PRKCH: variants seen among roughly 807,000 people sequenced by gnomAD.
PRKCH encodes the protein protein kinase C eta.
Under a neutral mutation model 82.5 loss-of-function variants are expected in PRKCH, and 28 were observed. That is an observed-to-expected ratio of 0.34 (90% CI 0.25 to 0.47). PRKCH has a LOEUF of 0.47. Ranked by LOEUF, PRKCH falls within the 20% of genes least tolerant of loss-of-function variation. PRKCH has a pLI of 1.00. For missense variants in PRKCH, 705 were observed against 881.8 expected (o/e 0.80, Z 2.54); for synonymous variants, 322 against 327.4 (o/e 0.98, Z 0.18).
intron 9 of PRKCH, among the ~76,000 whole-genome samples, chr14:61,470,267 A>G (rs1372098164): frequency 6.6e-6 from 1 of 151,812 alleles, no homozygotes; most frequent in African/African-American, 2.4e-5. Flanking sequence ...GGGAGGTTTA[A>G]AGCAAGAGGC....
intron 1 of PRKCH, among the ~76,000 whole-genome samples, chr14:61,206,975 G>A (rs1028655923): frequency 1.2e-4 from 18 of 151,660 alleles, no homozygotes; most frequent in Non-Finnish European, 2.4e-4. Context: ...ACGTGGTGGT[G>A]CATGCCTTTA....
At chr14:61,481,725 A>G (rs1018826474) in intron 9 of PRKCH, among the ~76,000 whole-genome samples, 13 of 152,184 alleles carry the variant, frequency 8.5e-5, no homozygotes, top group African/African-American at 4.8e-5. Context: ...GTCACTCTAT[A>G]GCCATCTTTT....
At chr14:61,205,171 G>A (rs938945212) in intron 1 of PRKCH, among the ~76,000 whole-genome samples, 6 of 152,208 alleles carry the variant, frequency 3.9e-5, no homozygotes, top group Admixed American at 1.3e-4. Context: ...AAAGCAACTC[G>A]TCCGTGAGCC....
At chr14:61,515,508 T>C (rs17098663) in intron 10 of PRKCH, among the ~76,000 whole-genome samples, 5,243 of 152,246 alleles carry the variant, frequency 0.034, 264 homozygotes, top group East Asian at 0.11. Context: ...TAAACAGAGA[T>C]CTTAATTCCT....
chr14:61,491,000 T>C (rs772413419), intron 10 of PRKCH, among the ~76,000 whole-genome samples: 3 of 152,144 alleles, frequency 2.0e-5, no homozygotes, highest in Non-Finnish European at 4.4e-5. Flanking sequence ...GCACTCTCTC[T>C]CTCTCCCTGC....
chr14:61,261,183 T>A (rs1158349516), intron 1 of PRKCH, among the ~76,000 whole-genome samples: 1 of 152,112 alleles, frequency 6.6e-6, no homozygotes, highest in Non-Finnish European at 1.5e-5. Flanking sequence ...ACTGTTGCCG[T>A]CACCAACGCA....
intron 1 of PRKCH, among the ~76,000 whole-genome samples, chr14:61,382,047 A>C (rs2046519132): frequency 6.6e-6 from 1 of 151,996 alleles, no homozygotes; most frequent in Non-Finnish European, 1.5e-5. Context: ...GTAGTACTTC[A>C]CTCTGCAAGC....
Position 61,321,887 on chromosome 14 carries a change from G to T in PRKCH, c.-215G>T. 2.0e-6 allele frequency: 1 copy of T among 492,942 alleles called. No homozygotes were observed. The highest frequency in any genetic ancestry group is 2.8e-5 in the South Asian group (1 of 36,220). The allele number at this position is 492,942 out of a possible 1,614,324, so 30.5% of individuals were successfully genotyped here. ...CGGCCCGCTGAGGGCTCGGCGGCGG[G>T]CTCCCCTCCTTTCCACCTCGGGAGG... On this transcript the variant is annotated 5_prime_UTR_variant, in exon 1 of 14. Transcript: ENST00000332981. This position sits in a 1 kb window ranked among gnomAD's most constrained non-coding sequence, Gnocchi z 4.1.
At chr14:61,433,751 T>G (rs966602139) in intron 2 of PRKCH, among the ~76,000 whole-genome samples, 2 of 152,348 alleles carry the variant, frequency 1.3e-5, no homozygotes, top group Middle Eastern at 3.4e-3. Context: ...TAAAAAGATA[T>G]GAAAAGATGT....
Position 61,322,301 on chromosome 14 carries a change from C to G in PRKCH, c.200C>G (p.Thr67Arg). 6.2e-7 allele frequency: 1 copy of G among 1,613,318 alleles called. No homozygotes were observed. Among genetic ancestry groups the G allele is most frequent in the African/African-American group, 1.3e-5 (1 of 74,860 alleles). ...ACCAAGCAGAAGACCAACAAACCCA[C>G]GTACAACGAGGAGTTTTGCGCTAAC... ...TSTKQKTNKP[T>R]YNEEFCANVT... Residue 67 changes from threonine (T) to arginine (R), a missense_variant, in exon 1 of 14, where the codon ACG becomes AGG. Physicochemically the swap from Thr to Arg is moderately conservative, Grantham distance 71. Transcript: ENST00000332981.
chr14:61,520,201 A>G (rs1419800290), intron 10 of PRKCH, among the ~76,000 whole-genome samples: 1 of 152,192 alleles, frequency 6.6e-6, no homozygotes, highest in Non-Finnish European at 1.5e-5. Context: ...AACAGAAAAT[A>G]AAAATCACCC....
rs564304248 is a variant in PRKCH, at chr14:61,282,235, C to G, written c.-19+94567C>G. On this transcript the variant is annotated intron_variant, in intron 1 of 3. Coordinates refer to the PRKCH transcript ENST00000555185. Reference sequence around the variant, plus strand: ...TTTATAGGATTTATTATAAAAAGAACTCAAATTAGCTCCCTATGTTGCCTG... The same window carrying G: ...TTTATAGGATTTATTATAAAAAGAAGTCAAATTAGCTCCCTATGTTGCCTG... Among the ~76,000 whole-genome samples, 6 of 149,500 alleles carry G rather than the reference C, an allele frequency of 4.0e-5. No homozygotes were observed. In the South Asian group the frequency reaches 1.3e-3, roughly 32 times the overall value.
chr14:61,233,496 ATC>A (rs2044761698), intron 1 of PRKCH, among the ~76,000 whole-genome samples: 1 of 152,230 alleles, frequency 6.6e-6, no homozygotes, highest in Non-Finnish European at 1.5e-5. Flanking sequence ...AGACAATGTC[ATC>A]TCTTTCTCTG....
At chr14:61,427,482 C>T (rs184546676) in intron 2 of PRKCH, among the ~76,000 whole-genome samples, 6 of 152,230 alleles carry the variant, frequency 3.9e-5, no homozygotes, top group South Asian at 2.1e-4. Context: ...AGATTCTTTA[C>T]GGATGCAAAT....
chr14:61,502,215 C>A (rs1175252032), intron 10 of PRKCH, among the ~76,000 whole-genome samples: 1 of 151,870 alleles, frequency 6.6e-6, no homozygotes, highest in Admixed American at 6.6e-5. Context: ...TAGCACATGC[C>A]ACCACACCCG....
intron 9 of PRKCH, among the ~76,000 whole-genome samples, chr14:61,471,754 G>T (rs775501626): frequency 1.3e-5 from 2 of 151,958 alleles, no homozygotes; most frequent in Non-Finnish European, 2.9e-5. Flanking sequence ...CATTGTGGAT[G>T]TTTAGCAGCA....
intron 2 of PRKCH, among the ~76,000 whole-genome samples, chr14:61,397,537 C>T (rs981239700): frequency 3.9e-5 from 6 of 152,214 alleles, no homozygotes; most frequent in African/African-American, 1.4e-4. Context: ...GGAGCATCAA[C>T]ATTTAAGTAC....
chr14:61,244,999 C>G (rs1218249565), intron 1 of PRKCH, among the ~76,000 whole-genome samples: 1 of 152,138 alleles, frequency 6.6e-6, no homozygotes, highest in Non-Finnish European at 1.5e-5. Flanking sequence ...CCTACTATAC[C>G]TGAGGCACAG....
intron 2 of PRKCH, among the ~76,000 whole-genome samples, chr14:61,394,380 T>C (rs536505272): frequency 6.6e-6 from 1 of 152,302 alleles, no homozygotes; most frequent in South Asian, 2.1e-4. Context: ...GTTCCTAGCC[T>C]AGTCAAATAA....
Sources: allele counts gnomAD v4.1 joint callset (sites outside exome capture counted in the v4.1 genomes callset), GRCh38; gene constraint gnomAD v4.1.1; non-coding constraint Gnocchi (gnomAD v3.1); transcripts MANE v1.5; gene names NCBI Gene and HGNC (gene_info 2026-07-23, HGNC 2026-07-21).